The following TBCA variants were observed in gnomAD, a reference collection of about 807,000 sequenced individuals.
TBCA encodes the protein tubulin-specific chaperone A.
Under a neutral mutation model 15.8 loss-of-function variants are expected in TBCA, and 6 were observed. That is an observed-to-expected ratio of 0.38 (90% confidence interval 0.21 to 0.75). The LOEUF (loss-of-function observed/expected upper bound fraction) is 0.75, where lower values mean the gene tolerates loss of function less well. TBCA is among the 30% of genes least tolerant of loss of function. TBCA has a pLI of 0.46. For missense variants in TBCA, 90 were observed against 131.2 expected (o/e 0.69, Z 1.53); for synonymous variants, 32 against 42.3 (o/e 0.76, Z 0.94).
chr5:77,776,155 G>T (rs1299721648), intron 1 of TBCA, 50 bp downstream of exon 1: 1 of 1,547,182 alleles, frequency 6.5e-7, no homozygotes, highest in Non-Finnish European at 8.7e-7. Flanking sequence ...CTCGCGGGCC[G>T]CCATGAGGTG....
At chr5:77,696,342 TGTACTC>T (rs1272875164) in intron 2 of TBCA, among the ~76,000 whole-genome samples, 2 of 152,198 alleles carry the variant, frequency 1.3e-5, no homozygotes, top group Non-Finnish European at 2.9e-5. Context: ...AAAATGTTAA[TGTACTC>T]ACTTCTCAGG....
chr5:77,729,779 C>T (rs1746720766), intron 1 of TBCA, among the ~76,000 whole-genome samples: 1 of 152,152 alleles, frequency 6.6e-6, no homozygotes, highest in Admixed American at 6.5e-5. Flanking sequence ...TGTCATTCCA[C>T]TATTGACCAA....
At chr5:77,717,415 AAAGT>A (rs1220248603) in intron 1 of TBCA, among the ~76,000 whole-genome samples, 2 of 151,738 alleles carry the variant, frequency 1.3e-5, no homozygotes, top group African/African-American at 4.8e-5. Context: ...AAACATGAAG[AAAGT>A]AAGATTAAAT....
intron 1 of TBCA, among the ~76,000 whole-genome samples, chr5:77,753,226 A>G (rs1747395513): frequency 6.6e-6 from 1 of 152,222 alleles, no homozygotes; most frequent in Admixed American, 6.5e-5. Context: ...AAATTTACCA[A>G]ATTAACCTTA....
At position 77,692,517 on chromosome 5, in the gene TBCA, A is replaced by T. The variant is rs192931534; in HGVS notation, c.246+749T>A. On this transcript the variant is annotated intron_variant, in intron 3 of 3. Transcript: ENST00000380377. ...TGGTCAGGCTGGTCTTGAACTCCTG[A>T]CTCGTGATCCACCCACCTCAGCCTC... 2.1e-4 allele frequency: 202 copies of T among 947,750 alleles called. 2 individuals are homozygous for T. In the African/African-American group the frequency reaches 3.2e-3, roughly 15 times the overall value. 58.7% of individuals were successfully genotyped at this position (947,750 alleles called of 1,614,324 possible).
rs530879302 is a variant in TBCA, at chr5:77,746,849, T to C, written c.53+29356A>G. On this transcript the variant is annotated intron_variant, in intron 1 of 3. Coordinates refer to ENST00000380377, the MANE Select transcript of TBCA (RefSeq NM_004607.3). ...ATAACATTAATCAATCCAACCAACA[T>C]TTTCTTCAACATTTACTTATATCAT... is the stretch of plus-strand genomic sequence containing the variant. Among the ~76,000 whole-genome samples the C allele has an allele frequency of 5.3e-5, 8 of 152,278 alleles. No individual in the cohort carries two copies. The East Asian group carries it at 1.5e-3, about 29-fold the overall frequency.
At chr5:77,719,598 G>C (rs1478321527) in intron 1 of TBCA, among the ~76,000 whole-genome samples, 1 of 152,128 alleles carries the variant, frequency 6.6e-6, no homozygotes, top group Non-Finnish European at 1.5e-5. Flanking sequence ...TGCTGAAGTA[G>C]AATATGTGCT....
At chr5:77,711,011 T>A (rs575474067) in intron 1 of TBCA, among the ~76,000 whole-genome samples, 44 of 152,250 alleles carry the variant, frequency 2.9e-4, no homozygotes, top group African/African-American at 1.0e-3. Flanking sequence ...TTCCATATCA[T>A]CTTATAATTC....
At chr5:77,715,309 T>C (rs967976090) in intron 1 of TBCA, 2 of 701,868 alleles carry the variant, frequency 2.8e-6, no homozygotes, top group Non-Finnish European at 2.6e-6. Flanking sequence ...CTTGTCAACA[T>C]AATCCCTAAC....
intron 1 of TBCA, among the ~76,000 whole-genome samples, chr5:77,714,342 T>C (rs1746349455): frequency 6.6e-6 from 1 of 151,630 alleles, no homozygotes; most frequent in African/African-American, 2.4e-5. Flanking sequence ...AAAAAAAGAA[T>C]TTCCAGAGCT....
At chr5:77,712,329 T>G (rs745596651) in intron 1 of TBCA, among the ~76,000 whole-genome samples, 2 of 152,156 alleles carry the variant, frequency 1.3e-5, no homozygotes, top group Non-Finnish European at 2.9e-5. Flanking sequence ...CTATTATGGT[T>G]TGAAATATTT....
At chr5:77,772,842 A>G (rs1580143409) in intron 1 of TBCA, among the ~76,000 whole-genome samples, 1 of 152,258 alleles carries the variant, frequency 6.6e-6, no homozygotes, top group South Asian at 2.1e-4. Flanking sequence ...TAAGCATTGA[A>G]AACTTCTGAA....
chr5:77,766,314 A>C (rs1168157249), intron 1 of TBCA, among the ~76,000 whole-genome samples: 1 of 152,182 alleles, frequency 6.6e-6, no homozygotes, highest in East Asian at 1.9e-4. Flanking sequence ...ACAATAGACT[A>C]GTCTCTTCCT....
At chr5:77,701,973 T>C (rs1480332081) in intron 2 of TBCA, among the ~76,000 whole-genome samples, 1 of 151,688 alleles carries the variant, frequency 6.6e-6, no homozygotes, top group Non-Finnish European at 1.5e-5. Context: ...CACTTATAAG[T>C]GGGAGCTAAG....
intron 1 of TBCA, among the ~76,000 whole-genome samples, chr5:77,710,602 G>C (rs930632531): frequency 1.3e-5 from 2 of 152,100 alleles, no homozygotes; most frequent in African/African-American, 4.8e-5. Context: ...CTGAATTTCT[G>C]GCTTCTCTTG....
At chr5:77,763,102 G>A (rs1034482111) in intron 1 of TBCA, among the ~76,000 whole-genome samples, 5 of 152,092 alleles carry the variant, frequency 3.3e-5, no homozygotes, top group Non-Finnish European at 7.4e-5. Flanking sequence ...AAATTAGCCG[G>A]GCGTGATGGC....
At chr5:77,715,835 T>G (rs1242909802) in intron 1 of TBCA, among the ~76,000 whole-genome samples, 1 of 152,230 alleles carries the variant, frequency 6.6e-6, no homozygotes, top group African/African-American at 2.4e-5. Flanking sequence ...TGTCATTAAT[T>G]CCTTCAAACA....
chr5:77,750,661 T>C (rs548082682), intron 1 of TBCA, among the ~76,000 whole-genome samples: 1 of 152,300 alleles, frequency 6.6e-6, no homozygotes, highest in South Asian at 2.1e-4. Flanking sequence ...GCCAACAATA[T>C]CACCTTTGTG....
At chr5:77,724,362 T>C (rs1298362362) in intron 1 of TBCA, among the ~76,000 whole-genome samples, 1 of 152,132 alleles carries the variant, frequency 6.6e-6, no homozygotes, top group Non-Finnish European at 1.5e-5. Context: ...TAACTAAGCA[T>C]CTGTAACTAA....
Sources: gnomAD v4.1 joint callset for allele counts (sites outside exome capture counted in the v4.1 genomes callset) on GRCh38, gnomAD v4.1.1 for gene constraint, MANE v1.5 for transcripts, NCBI Gene and HGNC (gene_info 2026-07-23, HGNC 2026-07-21) for gene names.